PYGO1: variants seen among roughly 807,000 people sequenced by gnomAD.
PYGO1 encodes pygopus homolog 1.
In PYGO1, 6 loss-of-function variants were observed where a neutral mutation model predicts 29.5. That is an observed-to-expected ratio of 0.20 (90% CI 0.11 to 0.40). The LOEUF (loss-of-function observed/expected upper bound fraction) is 0.40, where lower values mean the gene tolerates loss of function less well. Among genes scored for constraint, PYGO1 ranks in the 10% least tolerant of loss-of-function variants. The probability of loss-of-function intolerance (pLI) is 1.00; values close to 1 mark genes in which losing one functional copy is unlikely to be tolerated. For missense variants in PYGO1, 515 were observed against 514.9 expected (o/e 1.00, Z 0.00); for synonymous variants, 186 against 180.5 (o/e 1.03, Z -0.24).
Position 55,568,683 on chromosome 15 carries a change from T to C in PYGO1, c.49+19152A>G, listed in dbSNP as rs78491433. On this transcript the variant is annotated intron_variant, in intron 1 of 2. Transcript: ENST00000563719. ...TGTCTTGTTCCAGTTCTCAGGGTAC[T>C]GCATCCAGTTTCTGCCTATACAGTA... Among the ~76,000 whole-genome samples, 1,376 of 152,284 alleles carry C rather than the reference T, an allele frequency of 9.0e-3. 19 individuals are homozygous for C. Among genetic ancestry groups the C allele is most frequent in the African/African-American group, 0.031 (1,279 of 41,542 alleles).
At chr15:55,573,930 T>A (rs973212980) in intron 1 of PYGO1, among the ~76,000 whole-genome samples, 2 of 152,210 alleles carry the variant, frequency 1.3e-5, no homozygotes, top group African/African-American at 4.8e-5. Context: ...TATGTTTTCA[T>A]TGTCTATTTA....
At chr15:55,567,156 C>T (rs190345117) in intron 1 of PYGO1, among the ~76,000 whole-genome samples, 20 of 130,842 alleles carry the variant, frequency 1.5e-4, no homozygotes, top group South Asian at 7.6e-4. Context: ...GCCACTTGCA[C>T]GGCTTCTTTT....
intron 1 of PYGO1, among the ~76,000 whole-genome samples, chr15:55,559,192 A>G (rs1033855526): frequency 5.3e-5 from 8 of 152,252 alleles, no homozygotes; most frequent in African/African-American, 1.7e-4. Flanking sequence ...ACACTTCTCA[A>G]AAGAAGACAC....
At chr15:55,587,705 G>C in intron 1 of PYGO1, 130 bp downstream of exon 1, 1 of 1,187,580 alleles carries the variant, frequency 8.4e-7, no homozygotes, top group Non-Finnish European at 1.0e-6. Context: ...TCGGCCCCGG[G>C]GTGCCGGCGG....
intron 1 of PYGO1, among the ~76,000 whole-genome samples, chr15:55,562,369 C>G (rs2058936482): frequency 6.6e-6 from 1 of 152,154 alleles, no homozygotes; most frequent in Non-Finnish European, 1.5e-5. Flanking sequence ...AATCATTCTG[C>G]TATAAAAATA....
chr15:55,546,932 T>C lies in PYGO1; in HGVS notation c.351A>G (p.Pro117=). ...PPHVPPRMSS[P]YCGPYSLRNQ... is the part of the protein sequence containing the mutation. ...TCCTGAGTGAGTAAGGACCACAGTATGGGGAAGACATTCTTGGGGGAACGT... is the reference window on the plus strand; with the variant it reads ...TCCTGAGTGAGTAAGGACCACAGTACGGGGAAGACATTCTTGGGGGAACGT... Residue 117 remains proline, a synonymous_variant, in exon 3 of 3, where the codon CCA becomes CCG. Transcript: ENST00000563719. 1.2e-6 allele frequency: 2 copies of C among 1,614,084 alleles called. No individual in the cohort carries two copies. The highest frequency in any genetic ancestry group is 1.7e-6 in the Non-Finnish European group (2 of 1,179,996).
chr15:55,547,679 C>G (rs2058858523), intron 2 of PYGO1, among the ~76,000 whole-genome samples: 1 of 152,182 alleles, frequency 6.6e-6, no homozygotes, highest in South Asian at 2.1e-4. Flanking sequence ...GTTTTAGTCA[C>G]ACTGCAAGTT....
chr15:55,578,308 CTTGTACAAGTTTTTTTT>C (rs1314914936), intron 1 of PYGO1, among the ~76,000 whole-genome samples: 2 of 151,770 alleles, frequency 1.3e-5, no homozygotes, highest in Admixed American at 1.3e-4. Context: ...TATAAATATT[CTTGTACAAGTTTTTTTT>C]TTGTACAAGT....
chr15:55,579,313 T>C (rs2059016597), intron 1 of PYGO1, among the ~76,000 whole-genome samples: 1 of 152,158 alleles, frequency 6.6e-6, no homozygotes, highest in South Asian at 2.1e-4. Flanking sequence ...GAATTAGCAA[T>C]GGTCTTAGAA....
At position 55,546,745 on chromosome 15, in the gene PYGO1, G is replaced by C; in HGVS notation, c.538C>G (p.Pro180Ala). 1 of 1,614,044 alleles carries C rather than the reference G, an allele frequency of 6.2e-7. No homozygotes were observed. The highest frequency in any genetic ancestry group is 2.2e-5 in the East Asian group (1 of 44,876). Residue 180 changes from proline (P) to alanine (A), a missense_variant, in exon 3 of 3, where the codon CCT becomes GCT. Pro to Ala is a conservative substitution (Grantham distance 27). Transcript: ENST00000563719. ...GGAATTTGACTGAAATTTTCAGCAG[G>C]ATTTTGTCTAAAATGTTGATTAGGC... ...NMPNQHFRQNPAENFSQIPPQ... is the reference protein window; with the variant it reads ...NMPNQHFRQNAAENFSQIPPQ...
rs1490014907 is a variant in PYGO1, at chr15:55,588,231, C to T, written c.-348G>A. Reference sequence around the variant, plus strand: ...TCCCACTCCTTCTTCTTCGCCGCCGCCTCAGGAGCCGCTGACAGGGGAAGC... The same window carrying T: ...TCCCACTCCTTCTTCTTCGCCGCCGTCTCAGGAGCCGCTGACAGGGGAAGC... On this transcript the variant is annotated 5_prime_UTR_variant, in exon 1 of 3. Transcript: ENST00000563719. Among the ~76,000 whole-genome samples, 1 of 149,406 alleles carries T rather than the reference C, an allele frequency of 6.7e-6. No individual in the cohort carries two copies. The highest frequency in any genetic ancestry group is 1.5e-5 in the Non-Finnish European group (1 of 67,160).
At chr15:55,555,397 A>T (rs922201686) in intron 1 of PYGO1, among the ~76,000 whole-genome samples, 4 of 151,978 alleles carry the variant, frequency 2.6e-5, no homozygotes, top group Non-Finnish European at 5.9e-5. Flanking sequence ...GCCAGCCAGT[A>T]CAAAAGCACT....
intron 1 of PYGO1, among the ~76,000 whole-genome samples, chr15:55,560,780 G>C (rs1057345129): frequency 3.0e-4 from 45 of 152,016 alleles, no homozygotes; most frequent in African/African-American, 9.7e-4. Context: ...GGCCAACATG[G>C]TGAAACCCTG....
rs2058845260 is a variant in PYGO1, at chr15:55,545,430, T to A, written c.*593A>T. ...AACAATACTTACTGAGAATTTACTA[T>A]ATGCTAAGATCTGTCTCGTATCTGT... is the stretch of plus-strand genomic sequence containing the variant. On this transcript the variant is annotated 3_prime_UTR_variant, in exon 3 of 3. Transcript: ENST00000563719. 1 of 152,184 alleles carries A rather than the reference T, an allele frequency of 6.6e-6. No homozygotes were observed. Among genetic ancestry groups the A allele is most frequent in the Non-Finnish European group, 1.5e-5 (1 of 68,042 alleles). 9.4% of individuals were successfully genotyped at this position (152,184 alleles called of 1,614,324 possible).
intron 1 of PYGO1, among the ~76,000 whole-genome samples, chr15:55,574,228 C>A (rs1478651980): frequency 6.6e-6 from 1 of 152,120 alleles, no homozygotes; most frequent in Non-Finnish European, 1.5e-5. Flanking sequence ...ATGATTAGCA[C>A]CATGTGGTAT....
chr15:55,569,786 C>T (rs2058973042), intron 1 of PYGO1, among the ~76,000 whole-genome samples: 1 of 152,184 alleles, frequency 6.6e-6, no homozygotes, highest in Admixed American at 6.5e-5. Flanking sequence ...TGGATGGTGG[C>T]TGTGCCTGCC....
intron 1 of PYGO1, among the ~76,000 whole-genome samples, chr15:55,569,361 T>C (rs960597230): frequency 6.6e-6 from 1 of 152,212 alleles, no homozygotes; most frequent in Non-Finnish European, 1.5e-5. Context: ...CTAGTTCTTC[T>C]AGGTGTGATG....
chr15:55,587,588 C>A (rs1384780117), intron 1 of PYGO1, among the ~76,000 whole-genome samples: 1 of 152,056 alleles, frequency 6.6e-6, no homozygotes, highest in East Asian at 1.9e-4. Flanking sequence ...AGAAAGGATG[C>A]TGCTTGCGGC....
chr15:55,571,631 A>C (rs2058980561), intron 1 of PYGO1, among the ~76,000 whole-genome samples: 1 of 152,126 alleles, frequency 6.6e-6, no homozygotes, highest in South Asian at 2.1e-4. Flanking sequence ...GACTTGCTCC[A>C]CCTTGCTTTC....
Sources: gnomAD v4.1 joint callset for allele counts (sites outside exome capture counted in the v4.1 genomes callset) on GRCh38, gnomAD v4.1.1 for gene constraint, MANE v1.5 for transcripts, NCBI Gene and HGNC (gene_info 2026-07-23, HGNC 2026-07-21) for gene names.